Variants in LAMP3 observed in about 807,000 individuals in gnomAD.
The protein encoded by LAMP3 is lysosome associated membrane protein 3, also known as lysosome-associated membrane glycoprotein 3.
In LAMP3, 26 loss-of-function variants were observed where a neutral mutation model predicts 34.8. That is an observed-to-expected ratio of 0.75 (90% confidence interval 0.55 to 1.04). The LOEUF (loss-of-function observed/expected upper bound fraction) is 1.04. Ranked by LOEUF, LAMP3 falls within the 50% of genes least tolerant of loss-of-function variation. LAMP3 has a pLI of 0.00. For synonymous variants in LAMP3, 180 were observed against 201.9 expected, an observed-to-expected ratio of 0.89 and a Z score of 0.92; for missense variants, 495 against 524.0, an observed-to-expected ratio of 0.94 and a Z score of 0.54.
intron 1 of LAMP3, among the ~76,000 whole-genome samples, chr3:183,156,938 C>A (rs1295271015): frequency 6.6e-6 from 1 of 152,104 alleles, no homozygotes; most frequent in Non-Finnish European, 1.5e-5. Flanking sequence ...AGAGAAGACA[C>A]AAAAGCAGAG....
At chr3:183,136,001 T>C (rs1204453366) in intron 4 of LAMP3, 114 bp from the exon 5 acceptor site, 2 of 797,992 alleles carry the variant, frequency 2.5e-6, no homozygotes, top group Non-Finnish European at 4.2e-6. Flanking sequence ...CGAGGGGCTT[T>C]CTGGGGGTTC....
chr3:183,130,249 C>G (rs1480224160), intron 5 of LAMP3, among the ~76,000 whole-genome samples: 1 of 150,748 alleles, frequency 6.6e-6, no homozygotes, highest in Non-Finnish European at 1.5e-5. Flanking sequence ...AGCTCTGCCT[C>G]CCGGGTTGAC....
chr3:183,147,159 C>T (rs1560311200), intron 3 of LAMP3, among the ~76,000 whole-genome samples: 1 of 152,022 alleles, frequency 6.6e-6, no homozygotes, highest in Non-Finnish European at 1.5e-5. Flanking sequence ...AAGAGAATCG[C>T]TTGAACCCAA....
chr3:183,159,685 A>T (rs547575121), intron 1 of LAMP3, among the ~76,000 whole-genome samples: 10 of 152,354 alleles, frequency 6.6e-5, no homozygotes, highest in African/African-American at 2.2e-4. Flanking sequence ...TCCAAAACCC[A>T]GTCTCCCCTT....
At chr3:183,151,655 T>G (rs1470552375) in intron 3 of LAMP3, among the ~76,000 whole-genome samples, 1 of 151,956 alleles carries the variant, frequency 6.6e-6, no homozygotes, top group Non-Finnish European at 1.5e-5. Context: ...CTCGAACTCC[T>G]GACCTCAGGT....
At chr3:183,148,952 A>G (rs1457263565) in intron 3 of LAMP3, among the ~76,000 whole-genome samples, 4 of 152,222 alleles carry the variant, frequency 2.6e-5, no homozygotes, top group Admixed American at 6.5e-5. Context: ...GTGGCCATCA[A>G]CATATGAATG....
chr3:183,142,287 A>C (rs898502443), intron 3 of LAMP3, among the ~76,000 whole-genome samples: 4 of 152,062 alleles, frequency 2.6e-5, no homozygotes, highest in Admixed American at 2.6e-4. Flanking sequence ...CAGTGACATG[A>C]GCATAGCTTT....
Position 183,124,321 on chromosome 3 carries a change from C to T in LAMP3, c.1118-107G>A, listed in dbSNP as rs191530498. On this transcript the variant is annotated intron_variant, in intron 5 of 5. Coordinates refer to ENST00000265598, the MANE Select transcript of LAMP3 (RefSeq NM_014398.4). Reference sequence around the variant, plus strand: ...AGCTTTGGCATCAAACAAAGCTTGACTTTTAACTCCACCATTAACTAGCTT... The same window carrying T: ...AGCTTTGGCATCAAACAAAGCTTGATTTTTAACTCCACCATTAACTAGCTT... 8 of 966,750 alleles carry T rather than the reference C, an allele frequency of 8.3e-6. No individual in the cohort carries two copies. In the East Asian group the frequency reaches 2.4e-4, roughly 29 times the overall value. 59.9% of individuals were successfully genotyped at this position (966,750 alleles called of 1,614,324 possible). A position where few individuals can be genotyped will look rare whatever the true frequency, so the allele number is the denominator to read the frequency against.
intron 5 of LAMP3, among the ~76,000 whole-genome samples, chr3:183,128,234 A>C (rs1315399120): frequency 3.3e-5 from 5 of 152,030 alleles, no homozygotes; most frequent in Non-Finnish European, 7.4e-5. Context: ...TGCATTGAGA[A>C]GTTTCACTTC....
At chr3:183,132,867 C>G (rs551145630) in intron 5 of LAMP3, 1 of 985,304 alleles carries the variant, frequency 1.0e-6, no homozygotes, top group African/African-American at 1.7e-5. Context: ...ACCAGACATG[C>G]GGTTAGCAAA....
At chr3:183,161,968 C>A in intron 1 of LAMP3, 4 of 985,452 alleles carry the variant, frequency 4.1e-6, no homozygotes, top group Non-Finnish European at 4.8e-6. Flanking sequence ...AGGGCCACCG[C>A]GCCCCCTGCT....
At chr3:183,131,369 G>A (rs563734163) in intron 5 of LAMP3, among the ~76,000 whole-genome samples, 19 of 152,298 alleles carry the variant, frequency 1.2e-4, no homozygotes, top group African/African-American at 3.9e-4. Flanking sequence ...GAACTTTCGA[G>A]TGCCCTTAAC....
intron 3 of LAMP3, among the ~76,000 whole-genome samples, chr3:183,148,025 T>C (rs1720498434): frequency 6.6e-6 from 1 of 152,158 alleles, no homozygotes; most frequent in Non-Finnish European, 1.5e-5. Context: ...CAAGTTCTTT[T>C]TTAAAATGCA....
chr3:183,135,482 T>A (rs1165622895), intron 5 of LAMP3, among the ~76,000 whole-genome samples: 2 of 152,168 alleles, frequency 1.3e-5, no homozygotes, highest in Non-Finnish European at 2.9e-5. Flanking sequence ...TGAGTAAGAA[T>A]GTGCGTGAGT....
intron 5 of LAMP3, among the ~76,000 whole-genome samples, chr3:183,128,856 T>C (rs1226172857): frequency 1.3e-5 from 2 of 152,212 alleles, no homozygotes; most frequent in Non-Finnish European, 2.9e-5. Context: ...GTGACTTTTC[T>C]ATTCCTGAAG....
chr3:183,135,648 G>T, intron 5 of LAMP3, 69 bp downstream of exon 5: 1 of 1,422,614 alleles, frequency 7.0e-7, no homozygotes, highest in Admixed American at 1.8e-5. Flanking sequence ...GCTGCAGACA[G>T]AAAACACTTT....
intron 5 of LAMP3, among the ~76,000 whole-genome samples, chr3:183,125,966 C>T (rs987758688): frequency 2.6e-5 from 4 of 152,018 alleles, no homozygotes; most frequent in Non-Finnish European, 5.9e-5. Flanking sequence ...CCACACTTGG[C>T]CTATATTTCT....
chr3:183,152,885 A>C (rs6786641), intron 2 of LAMP3, among the ~76,000 whole-genome samples: 99,109 of 152,110 alleles, frequency 0.65, 32,771 homozygotes, highest in Non-Finnish European at 0.71. Context: ...CAGAAAGAGA[A>C]AATATTATTG....
intron 3 of LAMP3, among the ~76,000 whole-genome samples, chr3:183,144,389 C>G (rs1291508452): frequency 6.6e-6 from 1 of 151,990 alleles, no homozygotes; most frequent in African/African-American, 2.4e-5. Context: ...GTTTGGGGAA[C>G]AATGAATAGA....
Sources: allele counts gnomAD v4.1 joint callset (sites outside exome capture counted in the v4.1 genomes callset), GRCh38; gene constraint gnomAD v4.1.1; transcripts MANE v1.5; gene names NCBI Gene and HGNC (gene_info 2026-07-23, HGNC 2026-07-21).